Variants in LSS observed in about 807,000 individuals in gnomAD.
LSS encodes 2,3-epoxysqualene-lanosterol cyclase.
A neutral mutation model predicts 110.3 loss-of-function variants in LSS; 90 were observed. The observed-to-expected ratio is 0.82, with a 90% CI of 0.69 to 0.97. LSS has a LOEUF of 0.97. Among genes scored for constraint, LSS ranks in the 50% least tolerant of loss-of-function variants. LSS has a pLI of 0.00. For synonymous variants in LSS, 433 were observed against 400.0 expected (o/e 1.08, Z -0.98); for missense variants, 927 against 990.0 (o/e 0.94, Z 0.85).
Position 46,191,087 on chromosome 21 carries a change from AGCAGGTAG to A in LSS, c.*9_*16del. ...TCACTGGAACGCACAGACGGCACCC[AGCAGGTAG>A]GCATGTTCTCAGGGGTGGCCAGCAA... On this transcript the variant is annotated 3_prime_UTR_variant, in exon 22 of 22. Coordinates refer to ENST00000397728, the MANE Select transcript of LSS (RefSeq NM_002340.6). 1 of 1,613,880 alleles carries A rather than the reference AGCAGGTAG, an allele frequency of 6.2e-7. No homozygotes were observed. Among genetic ancestry groups the A allele is most frequent in the South Asian group, 1.1e-5 (1 of 91,070 alleles).
intron 14 of LSS, 66 bp from the exon 15 acceptor site, chr21:46,207,643 C>G (rs760072216): frequency 3.5e-5 from 54 of 1,523,202 alleles, no homozygotes; most frequent in Non-Finnish European, 4.7e-5. Flanking sequence ...AACCTCCCCA[C>G]AGCCGCACGC....
At chr21:46,211,143 T>C (rs2080125635) in intron 11 of LSS, among the ~76,000 whole-genome samples, 1 of 152,142 alleles carries the variant, frequency 6.6e-6, no homozygotes, top group Non-Finnish European at 1.5e-5. Context: ...TCTTTTTTTT[T>C]TGAGATGAAG....
At position 46,228,575 on chromosome 21, in the gene LSS, G is replaced by A. The variant is rs766840879; in HGVS notation, c.39C>T (p.Pro13=). 5 of 1,593,300 alleles carry A rather than the reference G, an allele frequency of 3.1e-6. No individual in the cohort carries two copies. In the East Asian group the frequency reaches 9.0e-5, roughly 29 times the overall value. Reference sequence around the variant, plus strand: ...GGTCGGTGGCGGGCTCGGTCTTGTAGGGGCCCCCTCGGCGCCGCAGACACC... The same window carrying A: ...GGTCGGTGGCGGGCTCGGTCTTGTAAGGGCCCCCTCGGCGCCGCAGACACC... ...EGTCLRRRGG[P]YKTEPATDLG... The change falls in exon 2 of 22, where the codon CCC becomes CCT. Residue 13 remains proline, a synonymous_variant. Coordinates refer to ENST00000397728, the MANE Select transcript of LSS (RefSeq NM_002340.6).
chr21:46,192,645 A>C (rs1247763394), intron 20 of LSS: 1 of 433,970 alleles, frequency 2.3e-6, no homozygotes, highest in Non-Finnish European at 4.6e-6. Context: ...ATATGTGTGC[A>C]CAGGTGCCTG....
In LSS at chr21:46,216,315, T is replaced by C; in HGVS notation, c.783+74A>G. 3 of 1,594,020 alleles carry C rather than the reference T, an allele frequency of 1.9e-6. No individual in the cohort carries two copies. Among genetic ancestry groups the C allele is most frequent in the Non-Finnish European group, 2.6e-6 (3 of 1,165,888 alleles). On this transcript the variant is annotated intron_variant, in intron 7 of 21. Transcript: ENST00000397728. The surrounding 1 kb of genome is among the most constrained non-coding windows in gnomAD (Gnocchi z 4.2). ...CACCAGGTGAGTGGACAGGTGTGGT[T>C]AGATTCCAGAAGCCCCAGGCCCTGT...
At chr21:46,222,917 G>A (rs2080295323) in intron 3 of LSS, among the ~76,000 whole-genome samples, 179 bp from the exon 4 acceptor site, 1 of 152,218 alleles carries the variant, frequency 6.6e-6, no homozygotes, top group African/African-American at 2.4e-5. Flanking sequence ...AGGGCCAGAA[G>A]GAACGTCAGC....
Position 46,227,618 on chromosome 21 carries a change from C to G in LSS, c.253G>C (p.Val85Leu). 6.2e-7 allele frequency: 1 copy of G among 1,613,872 alleles called. No homozygotes were observed. The highest frequency in any genetic ancestry group is 8.5e-7 in the Non-Finnish European group (1 of 1,180,004). ...TGCCCATCCTCAGCCTGCAGCCCCA[C>G]GTAAAATGTCATCCCGTTCAGAGCC... ...EGALNGMTFY[V>L]GLQAEDGHWT... is the part of the protein sequence containing the mutation. Residue 85 changes from valine (V) to leucine (L), a missense_variant, in exon 3 of 22, where the codon GTG becomes CTG. Physicochemically the swap from Val to Leu is conservative, Grantham distance 32. Coordinates refer to ENST00000397728, the MANE Select transcript of LSS (RefSeq NM_002340.6).
chr21:46,205,899 G>A lies in LSS; in HGVS notation c.1607C>T (p.Ala536Val), dbSNP rs1335753490. 2.5e-6 allele frequency: 4 copies of A among 1,611,484 alleles called. No individual in the cohort carries two copies. The highest frequency in any genetic ancestry group is 2.5e-6 in the Non-Finnish European group (3 of 1,178,966). The change falls in exon 17 of 22, where the codon GCC (alanine) becomes GTC (valine). Residue 536 changes from alanine to valine, a missense_variant. Coordinates refer to ENST00000397728, the MANE Select transcript of LSS (RefSeq NM_002340.6). ...IDYTYVECTS[A>V]VMQALKYFHK... ...GAAATACTTAAGCGCCTGCATCACG[G>A]CTGAGGTGCACTCCACATAGGTGTA... is the stretch of plus-strand genomic sequence containing the variant.
At chr21:46,219,635 T>C (rs1196779501) in intron 5 of LSS, 63 bp from the exon 6 acceptor site, 2 of 1,048,374 alleles carry the variant, frequency 1.9e-6, no homozygotes, top group Non-Finnish European at 2.8e-6. Flanking sequence ...GCACTGCCTC[T>C]AGCTGGGAAG....
Position 46,206,683 on chromosome 21 carries a change from G to A in LSS, c.1553C>T (p.Ser518Leu), listed in dbSNP as rs770161352. 5.6e-6 allele frequency: 9 copies of A among 1,612,376 alleles called. No individual in the cohort carries two copies. The highest frequency in any genetic ancestry group is 2.2e-5 in the East Asian group (1 of 44,890). ...GGCCGACCACTCACCGAAGACCTCC[G>A]AGGGGTTCAGCAGCTCCAGCAAGTG... Reference protein sequence around the residue: ...GGHLLELLNPSEVFGDIMIDY... With the variant: ...GGHLLELLNPLEVFGDIMIDY... The change falls in exon 16 of 22, where the codon TCG becomes TTG. Residue 518 changes from serine to leucine, a missense_variant. Ser to Leu is a moderately radical substitution (Grantham distance 145). Transcript: ENST00000397728.
chr21:46,227,444 G>C, intron 3 of LSS, 108 bp downstream of exon 3: 3 of 1,382,848 alleles, frequency 2.2e-6, no homozygotes, highest in Middle Eastern at 2.5e-4. Context: ...TTTCTTGTGA[G>C]CCCCTGGATT....
At chr21:46,203,639 C>G (rs1425464239) in intron 17 of LSS, among the ~76,000 whole-genome samples, 1 of 152,264 alleles carries the variant, frequency 6.6e-6, no homozygotes, top group South Asian at 2.1e-4. Flanking sequence ...CCACCTCATG[C>G]CGCAGAGCAG....
chr21:46,196,193 C>G lies in LSS; in HGVS notation c.1736+9G>C. 6.2e-7 allele frequency: 1 copy of G among 1,613,854 alleles called. No homozygotes were observed. Among genetic ancestry groups the G allele is most frequent in the Non-Finnish European group, 8.5e-7 (1 of 1,179,822 alleles). ...GCATCTCTGCACTCACGAGTGGAGG[C>G]TCACTCACCCTTCCCAGGAGCCATC... On this transcript the variant is annotated intron_variant, in intron 18 of 21. Coordinates refer to ENST00000397728, the MANE Select transcript of LSS (RefSeq NM_002340.6).
chr21:46,206,000 A>C, intron 16 of LSS, 59 bp from the exon 17 acceptor site: 2 of 1,307,764 alleles, frequency 1.5e-6, no homozygotes, highest in Non-Finnish European at 2.2e-6. Flanking sequence ...CAGGCTCTGC[A>C]GCTCAGGCAA....
Position 46,191,049 on chromosome 21 carries a change from G to A in LSS, c.*55C>T. ...ATGGGAGGGCTCCCCAACCCGGCCA[G>A]GACCCCTTGGCCTCACTGGAACGCA... On this transcript the variant is annotated 3_prime_UTR_variant, in exon 22 of 22. Transcript: ENST00000397728. 6.2e-7 allele frequency: 1 copy of A among 1,606,204 alleles called. No individual in the cohort carries two copies. Among genetic ancestry groups the A allele is most frequent in the South Asian group, 1.1e-5 (1 of 90,724 alleles).
intron 21 of LSS, 64 bp from the exon 22 acceptor site, chr21:46,191,299 C>G (rs2079811661): frequency 6.3e-7 from 1 of 1,586,956 alleles, no homozygotes. Context: ...AGTCCCTGAA[C>G]TGGAGCCCTG....
At chr21:46,222,007 T>C (rs763932897) in intron 4 of LSS, 32 bp from the exon 5 acceptor site, 2 of 1,611,850 alleles carry the variant, frequency 1.2e-6, no homozygotes, top group Admixed American at 1.7e-5. Context: ...GAGAAACCGG[T>C]ATCTGTCCTT....
chr21:46,189,430 T>G lies in LSS; in HGVS notation c.*1674A>C. 1 of 320,832 alleles carries G rather than the reference T, an allele frequency of 3.1e-6. No individual in the cohort carries two copies. Among genetic ancestry groups the G allele is most frequent in the Non-Finnish European group, 6.1e-6 (1 of 162,614 alleles). 19.9% of individuals were successfully genotyped at this position (320,832 alleles called of 1,614,324 possible). On this transcript the variant is annotated 3_prime_UTR_variant, in exon 22 of 22. Transcript: ENST00000397728. ...TTCCTTCAGCGAAAATAAAGCCCAG[T>G]TTTAAGATGTGCAGGGAAGTGTTGA...
rs1244153176 is a variant in LSS, at chr21:46,209,513, C to T, written c.1266+41G>A. 2.6e-6 allele frequency: 4 copies of T among 1,556,282 alleles called. No homozygotes were observed. The highest frequency in any genetic ancestry group is 4.7e-5 in the East Asian group (2 of 42,784). The stretch of plus-strand genomic sequence containing the variant: ...CCTGCAGGAGCTCCCAGCCCTGATC[C>T]CCCTCTTCAGCCCCCTCAGAGCCCC... On this transcript the variant is annotated intron_variant, in intron 13 of 21. Coordinates refer to ENST00000397728, the MANE Select transcript of LSS (RefSeq NM_002340.6). This position sits in a 1 kb window ranked among gnomAD's most constrained non-coding sequence, Gnocchi z 4.4.
Sources: allele counts gnomAD v4.1 joint callset (sites outside exome capture counted in the v4.1 genomes callset), GRCh38; gene constraint gnomAD v4.1.1; non-coding constraint Gnocchi (gnomAD v3.1); transcripts MANE v1.5; gene names NCBI Gene and HGNC (gene_info 2026-07-23, HGNC 2026-07-21).